The following KLRG2 variants were observed in gnomAD, a reference collection of about 807,000 sequenced individuals.
KLRG2 encodes killer cell lectin like receptor G2.
Under a neutral mutation model 35.4 loss-of-function variants are expected in KLRG2, and 39 were observed. That is an observed-to-expected ratio of 1.10 (90% CI 0.85 to 1.44). KLRG2 has a LOEUF of 1.44. Ranked by LOEUF, KLRG2 falls within the 40% of genes most tolerant of loss-of-function variation. The pLI, the probability that KLRG2 is intolerant of heterozygous loss-of-function variation, is 0.00. For synonymous variants in KLRG2, 283 were observed against 265.8 expected, an observed-to-expected ratio of 1.06 and a Z score of -0.63; for missense variants, 632 against 570.9, an observed-to-expected ratio of 1.11 and a Z score of -1.09.
the KLRG2 span, among the ~76,000 whole-genome samples, chr7:139,444,934 T>C: frequency 6.6e-6 from 1 of 152,150 alleles, no homozygotes; most frequent in African/African-American, 2.4e-5. Context: ...CTATGAAGTC[T>C]TAGATTGAAT....
intron 3 of KLRG2, among the ~76,000 whole-genome samples, chr7:139,462,041 CCT>C (rs1338070013): frequency 1.3e-5 from 2 of 152,202 alleles, no homozygotes; most frequent in African/African-American, 4.8e-5. Context: ...TATCCCTCAA[CCT>C]CTTTCTCCTT....
At chr7:139,470,941 A>G in intron 3 of KLRG2, among the ~76,000 whole-genome samples, 1 of 151,834 alleles carries the variant, frequency 6.6e-6, no homozygotes, top group Non-Finnish European at 1.5e-5. Context: ...CTCCCAGGTT[A>G]AAGCGATTCT....
chr7:139,439,279 G>A, the KLRG2 span, among the ~76,000 whole-genome samples: 3 of 152,194 alleles, frequency 2.0e-5, no homozygotes, highest in African/African-American at 7.2e-5. Flanking sequence ...CATGCTGTGT[G>A]ACTCCGCTTC....
the KLRG2 span, among the ~76,000 whole-genome samples, chr7:139,429,680 AG>A: frequency 6.4e-4 from 97 of 152,262 alleles, no homozygotes; most frequent in African/African-American, 2.2e-3. Context: ...CAGAGAGCAC[AG>A]GGTTGGGGGT....
At chr7:139,450,039 T>C (rs1354779678), downstream of KLRG2, among the ~76,000 whole-genome samples, 1 of 151,422 alleles carries the variant, frequency 6.6e-6, no homozygotes, top group African/African-American at 2.4e-5. Context: ...ATTAACAATT[T>C]TTTTTGTTTG....
At chr7:139,449,320 G>T (rs1796343093), downstream of KLRG2, among the ~76,000 whole-genome samples, 1 of 151,764 alleles carries the variant, frequency 6.6e-6, no homozygotes, top group Non-Finnish European at 1.5e-5. Flanking sequence ...CGAATCACTG[G>T]AACCTGGGAG....
intron 3 of KLRG2, 148 bp from the exon 4 acceptor site, chr7:139,454,362 G>A: frequency 1.6e-6 from 1 of 629,416 alleles, no homozygotes; most frequent in Non-Finnish European, 2.8e-6. Context: ...AAAAAACCTT[G>A]AAAGCTGGAT....
chr7:139,465,736 AT>A (rs1796642982), intron 3 of KLRG2, among the ~76,000 whole-genome samples: 1 of 151,960 alleles, frequency 6.6e-6, no homozygotes, highest in Non-Finnish European at 1.5e-5. Context: ...AGCTAGAGTC[AT>A]TCACTGCAAG....
At position 139,453,456 on chromosome 7, in the gene KLRG2, TG is replaced by T; in HGVS notation, c.*130del. The T allele has an allele frequency of 2.2e-6, 2 of 920,186 alleles. No individual in the cohort carries two copies. The highest frequency in any genetic ancestry group is 3.2e-6 in the Non-Finnish European group (2 of 622,778). The allele number at this position is 920,186 out of a possible 1,614,324, so 57.0% of individuals were successfully genotyped here. On this transcript the variant is annotated 3_prime_UTR_variant, in exon 5 of 5. Transcript: ENST00000340940. ...AGTCCAGCTCCTAGGCTCGCTCATG[TG>T]GCCCCCTTGAGCAGAGCATGAAGAC...
chr7:139,459,075 G>T (rs375955547), intron 3 of KLRG2, among the ~76,000 whole-genome samples: 14 of 152,316 alleles, frequency 9.2e-5, no homozygotes, highest in Admixed American at 5.9e-4. Context: ...CAGGGAAGGG[G>T]TTTACCCAGA....
chr7:139,447,527 A>G, the KLRG2 span, among the ~76,000 whole-genome samples: 4 of 151,562 alleles, frequency 2.6e-5, no homozygotes, highest in Non-Finnish European at 5.9e-5. Context: ...CAGCCTCCCA[A>G]GTAGCTGGGA....
At chr7:139,440,225 TCAGCCTC>T in the KLRG2 span, among the ~76,000 whole-genome samples, 7 of 151,672 alleles carry the variant, frequency 4.6e-5, no homozygotes, top group African/African-American at 1.7e-4. Flanking sequence ...TTCTTGTGCC[TCAGCCTC>T]CTGAGTAGCT....
the KLRG2 span, among the ~76,000 whole-genome samples, chr7:139,437,260 T>C: frequency 6.6e-6 from 1 of 151,848 alleles, no homozygotes; most frequent in South Asian, 2.1e-4. Context: ...AACCCATCTT[T>C]ACTAAAATAC....
chr7:139,436,313 C>G, the KLRG2 span, among the ~76,000 whole-genome samples: 1 of 152,018 alleles, frequency 6.6e-6, no homozygotes, highest in African/African-American at 2.4e-5. Flanking sequence ...GCTGTTCCGT[C>G]TGCCCTTCCC....
At chr7:139,450,209 ATGTT>A, downstream of KLRG2, among the ~76,000 whole-genome samples, 1 of 148,954 alleles carries the variant, frequency 6.7e-6, no homozygotes, top group Non-Finnish European at 1.5e-5. Context: ...CGCCTGGCTA[ATGTT>A]TGTTTTTTTT....
At chr7:139,452,125 C>T (rs1347966440), downstream of KLRG2, among the ~76,000 whole-genome samples, 8 of 152,018 alleles carry the variant, frequency 5.3e-5, no homozygotes, top group African/African-American at 1.2e-4. Context: ...CCCACCACCA[C>T]GCCCAGCTAT....
intron 1 of KLRG2, 143 bp from the exon 2 acceptor site, chr7:139,480,390 A>C: frequency 3.5e-5 from 16 of 460,674 alleles, no homozygotes; most frequent in Non-Finnish European, 4.8e-5. Flanking sequence ...AACATAAACC[A>C]CAACGTTTAA....
chr7:139,433,215 C>T, the KLRG2 span, among the ~76,000 whole-genome samples: 1 of 152,270 alleles, frequency 6.6e-6, no homozygotes, highest in South Asian at 2.1e-4. Context: ...CAAAAATGTT[C>T]CAGATTTCCA....
chr7:139,467,075 CT>C (rs1216587842), intron 3 of KLRG2, among the ~76,000 whole-genome samples: 1 of 152,060 alleles, frequency 6.6e-6, no homozygotes, highest in African/African-American at 2.4e-5. Context: ...ACAAATACTC[CT>C]TTTAACAACC....
Sources: allele counts gnomAD v4.1 joint callset (sites outside exome capture counted in the v4.1 genomes callset), GRCh38; gene constraint gnomAD v4.1.1; transcripts MANE v1.5; gene names NCBI Gene and HGNC (gene_info 2026-07-23, HGNC 2026-07-21).